The following MIPEP variants were observed in gnomAD, a reference collection of about 807,000 sequenced individuals.
The protein encoded by MIPEP is mitochondrial intermediate peptidase.
In MIPEP, 79 loss-of-function variants were observed where a neutral mutation model predicts 90.3. The observed-to-expected ratio is 0.87, with a 90% confidence interval of 0.73 to 1.05. The LOEUF (loss-of-function observed/expected upper bound fraction) is 1.05. Among genes scored for constraint, MIPEP ranks in the 50% least tolerant of loss-of-function variants. The pLI is 0.00. For synonymous variants in MIPEP, 334 were observed against 315.8 expected (o/e 1.06, Z -0.61); for missense variants, 940 against 905.6 (o/e 1.04, Z -0.49).
chr13:23,819,373 C>G (rs1031088777), intron 14 of MIPEP, among the ~76,000 whole-genome samples: 1 of 152,202 alleles, frequency 6.6e-6, no homozygotes, highest in African/African-American at 2.4e-5. Context: ...AAAAGAGGAA[C>G]CTGATGCTAA....
At chr13:23,732,464 T>C (rs1019378524) in intron 18 of MIPEP, among the ~76,000 whole-genome samples, 1 of 152,216 alleles carries the variant, frequency 6.6e-6, no homozygotes, top group Non-Finnish European at 1.5e-5. Context: ...AATGAAAGCA[T>C]ATGTCAACAA....
chr13:23,736,560 T>C (rs1312485403), intron 18 of MIPEP, among the ~76,000 whole-genome samples: 1 of 152,186 alleles, frequency 6.6e-6, no homozygotes, highest in Non-Finnish European at 1.5e-5. Flanking sequence ...ATTTAAATTA[T>C]AATATCAACA....
chr13:23,762,694 C>A (rs532153685), intron 16 of MIPEP, among the ~76,000 whole-genome samples: 1 of 152,206 alleles, frequency 6.6e-6, no homozygotes, highest in African/African-American at 2.4e-5. Flanking sequence ...ATGGGGCAGC[C>A]GCCTCCTGTG....
At chr13:23,735,137 G>A (rs752038363) in intron 18 of MIPEP, among the ~76,000 whole-genome samples, 6 of 152,106 alleles carry the variant, frequency 3.9e-5, no homozygotes, top group Non-Finnish European at 8.8e-5. Flanking sequence ...CTTTTCCTGC[G>A]GGCTACGTGA....
Position 23,845,371 on chromosome 13 carries a change from C to T in MIPEP, c.1107-3883G>A, listed in dbSNP as rs9510891. Reference sequence around the variant, plus strand: ...CCTGAAGCATCAATGGGGGAAGCATCCGACCACTGACATCGTTTGGAATTT... The same window carrying T: ...CCTGAAGCATCAATGGGGGAAGCATTCGACCACTGACATCGTTTGGAATTT... On this transcript the variant is annotated intron_variant, in intron 10 of 18. Transcript: ENST00000382172. Among the ~76,000 whole-genome samples the T allele has an allele frequency of 5.3e-3, 803 of 152,194 alleles. 4 individuals carry two copies. The highest frequency in any genetic ancestry group is 8.8e-3 in the Non-Finnish European group (596 of 68,002).
intron 12 of MIPEP, among the ~76,000 whole-genome samples, 159 bp from the exon 13 acceptor site, chr13:23,837,915 T>C (rs2137457676): frequency 6.6e-6 from 1 of 152,366 alleles, no homozygotes; most frequent in East Asian, 1.9e-4. Flanking sequence ...CACCTTTTCT[T>C]GACATTTTTT....
intron 15 of MIPEP, 50 bp from the exon 16 acceptor site, chr13:23,806,119 A>T: frequency 6.2e-7 from 1 of 1,602,164 alleles, no homozygotes; most frequent in Non-Finnish European, 8.5e-7. Flanking sequence ...TCCTCACATC[A>T]AGATGTGGTT....
intron 16 of MIPEP, among the ~76,000 whole-genome samples, chr13:23,782,918 T>C (rs2137363999): frequency 6.6e-6 from 1 of 152,268 alleles, no homozygotes; most frequent in East Asian, 1.9e-4. Context: ...AGAAGTTGAA[T>C]CCCTGAATAG....
At chr13:23,803,209 A>G (rs920237714) in intron 16 of MIPEP, among the ~76,000 whole-genome samples, 1 of 152,086 alleles carries the variant, frequency 6.6e-6, no homozygotes, top group East Asian at 1.9e-4. Flanking sequence ...CTAAAAAAAC[A>G]AAAGTTAGCC....
chr13:23,834,250 G>A (rs1226957024), intron 14 of MIPEP, among the ~76,000 whole-genome samples: 8 of 152,192 alleles, frequency 5.3e-5, no homozygotes, highest in Non-Finnish European at 1.0e-4. Flanking sequence ...TTTTCTTGAA[G>A]TAAAAATTTG....
intron 16 of MIPEP, among the ~76,000 whole-genome samples, chr13:23,768,220 C>G (rs1424866334): frequency 2.0e-5 from 3 of 152,158 alleles, no homozygotes; most frequent in African/African-American, 7.2e-5. Flanking sequence ...AAGGGGAGGC[C>G]AAGTTTACAC....
At chr13:23,817,213 T>TCAAAC (rs909023317) in intron 14 of MIPEP, among the ~76,000 whole-genome samples, 4 of 152,082 alleles carry the variant, frequency 2.6e-5, no homozygotes, top group Admixed American at 2.6e-4. Flanking sequence ...AGGAGAAAAA[T>TCAAAC]CAAACCAAAC....
chr13:23,842,093 T>C (rs951636334), intron 10 of MIPEP, among the ~76,000 whole-genome samples: 2 of 152,224 alleles, frequency 1.3e-5, no homozygotes, highest in Non-Finnish European at 2.9e-5. Context: ...TTTTCTGTTC[T>C]ATATATTCCA....
chr13:23,878,174 C>A (rs1871144591), intron 4 of MIPEP, among the ~76,000 whole-genome samples: 1 of 152,154 alleles, frequency 6.6e-6, no homozygotes, highest in Non-Finnish European at 1.5e-5. Flanking sequence ...CCGTATAAAT[C>A]TGGCACAATT....
At chr13:23,808,211 G>A (rs907219488) in intron 15 of MIPEP, among the ~76,000 whole-genome samples, 4 of 151,560 alleles carry the variant, frequency 2.6e-5, no homozygotes, top group African/African-American at 4.9e-5. Context: ...CCATTCTCCT[G>A]CCTCAGCCTC....
intron 10 of MIPEP, among the ~76,000 whole-genome samples, chr13:23,852,311 GTAA>G (rs1403650766): frequency 1.3e-5 from 2 of 152,104 alleles, no homozygotes; most frequent in South Asian, 2.1e-4. Context: ...TTTTTATTAG[GTAA>G]TAATGATACA....
intron 17 of MIPEP, 98 bp downstream of exon 17, chr13:23,759,998 T>C: frequency 1.3e-6 from 2 of 1,485,604 alleles, no homozygotes; most frequent in African/African-American, 2.7e-5. Context: ...TTTGGCTGTG[T>C]TATGTGGGCT....
intron 16 of MIPEP, among the ~76,000 whole-genome samples, chr13:23,797,138 A>G (rs764614822): frequency 6.6e-6 from 1 of 152,208 alleles, no homozygotes; most frequent in Non-Finnish European, 1.5e-5. Context: ...CATCATGCCA[A>G]CCACACTGGC....
chr13:23,853,622 A>G (rs1214092764), intron 10 of MIPEP, among the ~76,000 whole-genome samples: 2 of 150,858 alleles, frequency 1.3e-5, no homozygotes, highest in Non-Finnish European at 2.9e-5. Context: ...GTGCAGTGTC[A>G]TTATCTCTGC....
Sources: gnomAD v4.1 joint callset for allele counts (sites outside exome capture counted in the v4.1 genomes callset) on GRCh38, gnomAD v4.1.1 for gene constraint, MANE v1.5 for transcripts, NCBI Gene and HGNC (gene_info 2026-07-23, HGNC 2026-07-21) for gene names.